HCK: variants seen among roughly 807,000 people sequenced by gnomAD.
The protein encoded by HCK is tyrosine-protein kinase HCK.
Under a neutral mutation model 70.4 loss-of-function variants are expected in HCK, and 40 were observed. That is an observed-to-expected ratio of 0.57 (90% CI 0.44 to 0.74). The LOEUF (loss-of-function observed/expected upper bound fraction) is 0.74. HCK is among the 30% of genes least tolerant of loss of function. The pLI, the probability that HCK is intolerant of heterozygous loss-of-function variation, is 0.00. For missense variants in HCK, 568 were observed against 697.2 expected, an observed-to-expected ratio of 0.81 and a Z score of 2.09; for synonymous variants, 245 against 263.2, an observed-to-expected ratio of 0.93 and a Z score of 0.67.
At chr20:32,093,828 G>A in intron 10 of HCK, 35 bp from the exon 11 acceptor site, 1 of 1,592,668 alleles carries the variant, frequency 6.3e-7, no homozygotes, top group Non-Finnish European at 8.6e-7. Flanking sequence ...CGTAGGCCAG[G>A]TCTGAGGACA....
intron 5 of HCK, among the ~76,000 whole-genome samples, chr20:32,076,960 C>T (rs537110982): frequency 2.0e-5 from 3 of 152,098 alleles, no homozygotes; most frequent in Non-Finnish European, 2.9e-5. Flanking sequence ...ATGGCGGGCT[C>T]CTGTAATCCC....
chr20:32,070,939 G>A (rs1266923056), intron 1 of HCK, among the ~76,000 whole-genome samples: 12 of 134,952 alleles, frequency 8.9e-5, no homozygotes, highest in Non-Finnish European at 1.6e-5. Flanking sequence ...AGGAGGGGAA[G>A]GAGGAGGAGG....
At chr20:32,059,425 C>CTT (rs1190147252) in intron 1 of HCK, among the ~76,000 whole-genome samples, 1 of 147,696 alleles carries the variant, frequency 6.8e-6, no homozygotes, top group African/African-American at 2.5e-5. Flanking sequence ...CTCTCTCTTT[C>CTT]TTTCTTTTTT....
At chr20:32,056,876 C>A (rs941713807) in intron 1 of HCK, among the ~76,000 whole-genome samples, 9 of 152,300 alleles carry the variant, frequency 5.9e-5, no homozygotes, top group Non-Finnish European at 1.2e-4. Context: ...CTTCTAACAC[C>A]TGGCACCTGG....
chr20:32,086,441 A>T (rs2045787639), intron 8 of HCK, among the ~76,000 whole-genome samples, 187 bp from the exon 9 acceptor site: 1 of 152,226 alleles, frequency 6.6e-6, no homozygotes, highest in African/African-American at 2.4e-5. Context: ...ACAGCTGGGA[A>T]GTGGTGAACC....
At chr20:32,085,130 G>A (rs1776497754) in intron 8 of HCK, among the ~76,000 whole-genome samples, 2 of 152,346 alleles carry the variant, frequency 1.3e-5, no homozygotes, top group South Asian at 4.1e-4. Context: ...TTCCAAATGG[G>A]AGCGAAGACA....
Position 32,073,338 on chromosome 20 carries a change from G to A in HCK, c.203G>A (p.Ser68Asn). ...CCACAGGGGCCTAATAGCCACAACA[G>A]CAACACACCAGGAATCAGGGAGGGT... Residue 68 changes from serine (S) to asparagine (N), a missense_variant, in exon 3 of 13, where the codon AGC becomes AAC. This residue lies in a region of HCK where 318 missense variants were observed against 336.0 expected (regional missense o/e 0.95). Transcript: ENST00000375852. 1 of 1,611,954 alleles carries A rather than the reference G, an allele frequency of 6.2e-7. No homozygotes were observed. The highest frequency in any genetic ancestry group is 8.5e-7 in the Non-Finnish European group (1 of 1,179,296).
intron 1 of HCK, among the ~76,000 whole-genome samples, chr20:32,053,832 T>C (rs1294901934): frequency 6.6e-6 from 1 of 152,048 alleles, no homozygotes; most frequent in African/African-American, 2.4e-5. Context: ...GAGTTTCTGA[T>C]TCAGTAGCTC....
chr20:32,077,979 A>G (rs912461776), intron 5 of HCK, among the ~76,000 whole-genome samples: 2 of 151,812 alleles, frequency 1.3e-5, no homozygotes, highest in Admixed American at 1.3e-4. Flanking sequence ...TGCAAGGTCT[A>G]TGGGATAACT....
chr20:32,078,159 C>T (rs1000652888), intron 5 of HCK, among the ~76,000 whole-genome samples: 12 of 151,790 alleles, frequency 7.9e-5, no homozygotes, highest in Admixed American at 1.3e-4. Context: ...CTCAGCCTCC[C>T]GAGTAGCTGG....
At chr20:32,097,655 C>T (rs1323917049) in intron 11 of HCK, among the ~76,000 whole-genome samples, 1 of 151,912 alleles carries the variant, frequency 6.6e-6, no homozygotes, top group African/African-American at 2.4e-5. Flanking sequence ...ATTTCTAAAC[C>T]AGAAGAAGAT....
rs1182366943 is a variant in HCK at position 32,101,387 on chromosome 20, A to G, written c.1449A>G (p.Pro483=). 1.2e-6 allele frequency: 2 copies of G among 1,614,114 alleles called. No homozygotes were observed. Among genetic ancestry groups the G allele is most frequent in the Non-Finnish European group, 1.7e-6 (2 of 1,180,048 alleles). ...GGATGCCTCGCCCAGAGAACTGCCCAGAGGAGCTCTACAACATCATGATGC... is the reference window on the plus strand; with the variant it reads ...GGATGCCTCGCCCAGAGAACTGCCCGGAGGAGCTCTACAACATCATGATGC... The change falls in exon 13 of 13, where the codon CCA becomes CCG. Residue 483 remains proline (P), a synonymous_variant. Coordinates refer to ENST00000375852, the MANE Select transcript of HCK (RefSeq NM_002110.5).
intron 11 of HCK, among the ~76,000 whole-genome samples, chr20:32,098,547 G>A (rs569848523): frequency 5.3e-5 from 8 of 152,238 alleles, no homozygotes; most frequent in East Asian, 3.9e-4. Flanking sequence ...GAGGAAGGGC[G>A]GGTAAAGGGA....
chr20:32,054,609 A>G lies in HCK; in HGVS notation c.62+2123A>G, dbSNP rs368395419. On this transcript the variant is annotated intron_variant, in intron 1 of 12. Transcript: ENST00000375852. ...ATCACGAGGTCAGGAGATCGAGACC[A>G]TCCTGGCTAACACGGGGAAACCCCG... Among the ~76,000 whole-genome samples, 200 of 149,564 alleles carry G rather than the reference A, an allele frequency of 1.3e-3. 1 individual carries two copies. The highest frequency in any genetic ancestry group is 4.8e-3 in the African/African-American group (193 of 40,598).
intron 11 of HCK, among the ~76,000 whole-genome samples, chr20:32,097,656 A>G (rs893125721): frequency 1.3e-5 from 2 of 152,296 alleles, no homozygotes; most frequent in African/African-American, 4.8e-5. Context: ...TTTCTAAACC[A>G]GAAGAAGATA....
In HCK at chr20:32,074,604, A is replaced by G; in HGVS notation, c.330-19A>G. ...TGATCCTTCTGTCCCTAACACCTTT[A>G]CTCCCTCATGTCCCTCAGATCCGGG... On this transcript the variant is annotated intron_variant, in intron 4 of 12. Coordinates refer to ENST00000375852, the MANE Select transcript of HCK (RefSeq NM_002110.5). The G allele has an allele frequency of 6.4e-7, 1 of 1,564,750 alleles. No individual in the cohort carries two copies. Among genetic ancestry groups the G allele is most frequent in the African/African-American group, 1.4e-5 (1 of 73,788 alleles).
At chr20:32,053,455 T>C (rs1232575982) in intron 1 of HCK, among the ~76,000 whole-genome samples, 3 of 151,648 alleles carry the variant, frequency 2.0e-5, no homozygotes, top group Non-Finnish European at 1.5e-5. Flanking sequence ...CTGGCCAACA[T>C]GGTGAAACCC....
At chr20:32,053,872 G>A (rs920736396) in intron 1 of HCK, among the ~76,000 whole-genome samples, 1 of 152,008 alleles carries the variant, frequency 6.6e-6, no homozygotes, top group African/African-American at 2.4e-5. Flanking sequence ...TTCCATCCCC[G>A]GTGATGCTGC....
At chr20:32,096,972 G>A (rs182869393) in intron 11 of HCK, among the ~76,000 whole-genome samples, 2 of 152,086 alleles carry the variant, frequency 1.3e-5, no homozygotes, top group East Asian at 1.9e-4. Flanking sequence ...TTTCATGTAC[G>A]TTATAACTCG....
Sources: allele counts gnomAD v4.1 joint callset (sites outside exome capture counted in the v4.1 genomes callset), GRCh38; gene constraint gnomAD v4.1.1; regional missense constraint gnomAD v4.1.1; transcripts MANE v1.5; gene names NCBI Gene and HGNC (gene_info 2026-07-23, HGNC 2026-07-21).